Variants in OPCML observed in about 807,000 individuals in gnomAD.
OPCML encodes the protein opioid-binding protein/cell adhesion molecule.
OPCML carries 13 observed loss-of-function variants against 37.8 expected under a neutral mutation model. The observed-to-expected ratio is 0.34, with a 90% CI of 0.22 to 0.55. The LOEUF (loss-of-function observed/expected upper bound fraction) is 0.55, where lower values mean the gene tolerates loss of function less well. Among genes scored for constraint, OPCML ranks in the 20% least tolerant of loss-of-function variants. The pLI is 0.91. For missense variants in OPCML, 341 were observed against 435.6 expected, an observed-to-expected ratio of 0.78 and a Z score of 1.93; for synonymous variants, 176 against 168.8, an observed-to-expected ratio of 1.04 and a Z score of -0.33.
intron 2 of OPCML, among the ~76,000 whole-genome samples, chr11:132,920,720 G>A (rs1052911519): frequency 6.6e-6 from 1 of 152,176 alleles, no homozygotes; most frequent in African/African-American, 2.4e-5. Flanking sequence ...ACTCCCTGAA[G>A]GCAAAACACG....
At chr11:132,605,709 C>G (rs1197005498) in intron 3 of OPCML, among the ~76,000 whole-genome samples, 1 of 152,170 alleles carries the variant, frequency 6.6e-6, no homozygotes, top group Non-Finnish European at 1.5e-5. Context: ...TCTAGACACA[C>G]TCAGACTTCA....
intron 2 of OPCML, among the ~76,000 whole-genome samples, chr11:132,659,022 G>A (rs535169423): frequency 2.6e-5 from 4 of 152,208 alleles, no homozygotes; most frequent in South Asian, 4.1e-4. Context: ...CTAGGTAAGC[G>A]AGTTTCCAGG....
intron 1 of OPCML, among the ~76,000 whole-genome samples, chr11:133,529,363 G>A (rs11223494): frequency 6.6e-6 from 1 of 152,168 alleles, no homozygotes; most frequent in Admixed American, 6.5e-5. Context: ...CACCAGCCCA[G>A]ACTATCTCTC....
chr11:133,420,555 T>G, intron 1 of OPCML: 1 of 981,030 alleles, frequency 1.0e-6, no homozygotes, highest in Non-Finnish European at 1.2e-6. Flanking sequence ...CAAACATCAT[T>G]AACATGCTAT....
intron 4 of OPCML, among the ~76,000 whole-genome samples, chr11:132,457,939 CGTGGAAGAGCTTAGATTCCAGA>C: frequency 6.6e-6 from 1 of 152,282 alleles, no homozygotes; most frequent in African/African-American, 2.4e-5. Flanking sequence ...AAGTGTCTGC[CGTGGAAGAGCTTAGATTCCAGA>C]GAGGAGAGCC....
intron 2 of OPCML, among the ~76,000 whole-genome samples, chr11:132,934,251 A>T (rs888108061): frequency 1.3e-5 from 2 of 152,146 alleles, no homozygotes; most frequent in Non-Finnish European, 1.5e-5. Flanking sequence ...CCCTCAGAGA[A>T]GAGATCCTGG....
At position 132,638,186 on chromosome 11, in the gene OPCML, T is replaced by TATATATATATAC. The variant is rs71067383; in HGVS notation, c.379+18900_379+18901insGTATATATATAT. ...GACTATATATATATATATATATATA[T>TATATATATATAC]ACAGAGAGAGAGAGAGCATATATAC... On this transcript the variant is annotated intron_variant, in intron 3 of 7. Transcript: ENST00000524381. Among the ~76,000 whole-genome samples, 118 of 131,058 alleles carry TATATATATATAC rather than the reference T, an allele frequency of 9.0e-4. 2 individuals carry two copies. In the South Asian group the frequency reaches 9.7e-3, roughly 11 times the overall value. 86.0% of individuals were successfully genotyped at this position (131,058 alleles called of 152,430 possible).
intron 1 of OPCML, among the ~76,000 whole-genome samples, chr11:133,101,774 T>C (rs529480729): frequency 6.6e-6 from 1 of 152,218 alleles, no homozygotes; most frequent in African/African-American, 2.4e-5. Context: ...CATGGTTGTT[T>C]ATGGAAACTT....
intron 1 of OPCML, among the ~76,000 whole-genome samples, chr11:132,956,857 A>G (rs1945986424): frequency 6.6e-6 from 1 of 152,180 alleles, no homozygotes; most frequent in Non-Finnish European, 1.5e-5. Flanking sequence ...AAGGCCAGGC[A>G]TGGTGGCTCA....
At chr11:132,935,739 TA>T (rs1945347289) in intron 2 of OPCML, among the ~76,000 whole-genome samples, 1 of 152,210 alleles carries the variant, frequency 6.6e-6, no homozygotes, top group Non-Finnish European at 1.5e-5. Flanking sequence ...AGTCTTAAAT[TA>T]AAATGTGAAT....
At chr11:132,877,639 G>A (rs1053778560) in intron 2 of OPCML, among the ~76,000 whole-genome samples, 1 of 152,174 alleles carries the variant, frequency 6.6e-6, no homozygotes, top group African/African-American at 2.4e-5. Flanking sequence ...CAAGTCCTAT[G>A]GGAAGCTGGC....
At chr11:132,834,960 G>C (rs78490800) in intron 2 of OPCML, among the ~76,000 whole-genome samples, 2,941 of 150,436 alleles carry the variant, frequency 0.02, 41 homozygotes, top group Middle Eastern at 0.038. Flanking sequence ...GCCCCTCAAG[G>C]CTAAGTCCCC....
chr11:132,556,746 C>T (rs575589786), intron 3 of OPCML, among the ~76,000 whole-genome samples: 1 of 152,328 alleles, frequency 6.6e-6, no homozygotes, highest in South Asian at 2.1e-4. Context: ...ACTGTACCCT[C>T]TGCTATATGA....
chr11:133,027,497 TG>T (rs1350110807), intron 1 of OPCML, among the ~76,000 whole-genome samples: 1 of 150,412 alleles, frequency 6.6e-6, no homozygotes, highest in Admixed American at 6.6e-5. Flanking sequence ...GTGTTGTGTG[TG>T]TGTGTGTGTA....
intron 1 of OPCML, among the ~76,000 whole-genome samples, chr11:133,263,124 C>T (rs757938625): frequency 6.6e-6 from 1 of 151,988 alleles, no homozygotes; most frequent in African/African-American, 2.4e-5. Flanking sequence ...TGTGACCCCG[C>T]ACAAATAACC....
chr11:133,031,709 G>A (rs1360995460), intron 1 of OPCML, among the ~76,000 whole-genome samples: 1 of 152,182 alleles, frequency 6.6e-6, no homozygotes, highest in African/African-American at 2.4e-5. Context: ...TCTGAGAGTT[G>A]CTGAGGGATA....
intron 1 of OPCML, among the ~76,000 whole-genome samples, chr11:133,069,533 T>C (rs1229467788): frequency 6.6e-6 from 1 of 152,218 alleles, no homozygotes; most frequent in East Asian, 1.9e-4. Context: ...AAGACACCCC[T>C]GAATGATGTG....
chr11:133,218,033 C>T (rs1461443165), intron 1 of OPCML, among the ~76,000 whole-genome samples: 3 of 135,504 alleles, frequency 2.2e-5, no homozygotes, highest in Non-Finnish European at 4.7e-5. Context: ...ACAACAGAGA[C>T]ATACCCTGTC....
intron 3 of OPCML, among the ~76,000 whole-genome samples, chr11:132,576,641 T>C (rs1254524447): frequency 6.6e-6 from 1 of 152,190 alleles, no homozygotes; most frequent in Non-Finnish European, 1.5e-5. Context: ...AGTTATTTTG[T>C]TCCTTTATTT....
Sources: gnomAD v4.1 joint callset for allele counts (sites outside exome capture counted in the v4.1 genomes callset) on GRCh38, gnomAD v4.1.1 for gene constraint, MANE v1.5 for transcripts, NCBI Gene and HGNC (gene_info 2026-07-23, HGNC 2026-07-21) for gene names.